Variants in USH2A observed in about 807,000 individuals in gnomAD.
USH2A encodes the protein Usher syndrome 2A (autosomal recessive, mild).
In USH2A, 443 loss-of-function variants were observed where a neutral mutation model predicts 538.9. The observed-to-expected ratio is 0.82, with a 90% CI of 0.76 to 0.89. The LOEUF (loss-of-function observed/expected upper bound fraction) is 0.89. USH2A is among the 40% of genes least tolerant of loss of function. The pLI is 0.00. For missense variants in USH2A, 6,633 were observed against 6,324.8 expected (o/e 1.05, Z -1.65); for synonymous variants, 2,413 against 2,273.5 (o/e 1.06, Z -1.75).
chr1:216,268,437 G>T (rs563319590), intron 11 of USH2A, among the ~76,000 whole-genome samples: 7 of 152,148 alleles, frequency 4.6e-5, no homozygotes, highest in African/African-American at 1.7e-4. Context: ...CATCATCTCT[G>T]GAACATAGTA....
Position 216,292,259 on chromosome 1 carries a change from A to G in USH2A, c.1756T>C (p.Tyr586His). The change falls in exon 10 of 72, where the codon TAC becomes CAC. Residue 586 changes from tyrosine to histidine, a missense_variant. Tyr to His is a moderately conservative substitution (Grantham distance 83). Coordinates refer to ENST00000307340, the MANE Select transcript of USH2A (RefSeq NM_206933.4). ...GGAAATGGGTCTACAGAGATGTTGT[A>G]ATGGCAGCTTTTGGAATGGCTGTTG... ...QCNSHSKSCH[Y>H]NISVDPFPFE... 1 of 1,614,098 alleles carries G rather than the reference A, an allele frequency of 6.2e-7. No homozygotes were observed. The highest frequency in any genetic ancestry group is 8.5e-7 in the Non-Finnish European group (1 of 1,179,956).
intron 30 of USH2A, among the ~76,000 whole-genome samples, chr1:216,067,837 G>T (rs1470308765): frequency 6.6e-6 from 1 of 152,074 alleles, no homozygotes; most frequent in Non-Finnish European, 1.5e-5. Context: ...TGTCTAGGTG[G>T]GATGTACAAT....
chr1:216,102,724 C>T (rs1438355200), intron 21 of USH2A, among the ~76,000 whole-genome samples: 1 of 152,098 alleles, frequency 6.6e-6, no homozygotes, highest in East Asian at 1.9e-4. Flanking sequence ...GGTGTGAACC[C>T]GAAAGGCGGA....
intron 49 of USH2A, among the ~76,000 whole-genome samples, chr1:215,806,720 T>C (rs778971163): frequency 5.9e-5 from 9 of 152,144 alleles, no homozygotes; most frequent in Non-Finnish European, 1.3e-4. Context: ...AAAAGACTTG[T>C]GTACCACTTT....
chr1:215,790,125 A>G lies in USH2A; in HGVS notation c.10116T>C (p.Asn3372=). Residue 3372 remains asparagine (N), a synonymous_variant, in exon 51 of 72, where the codon AAT becomes AAC. Transcript: ENST00000307340. ...ATTTCAAAGGATTATATCCAACTCC[A>G]TTACAGCATTTCTGGCTCTTTGGAA... is the stretch of plus-strand genomic sequence containing the variant. ...ELIPKSQKCC[N]GVGYNPLKYV... The G allele has an allele frequency of 2.5e-6, 4 of 1,613,790 alleles. No individual in the cohort carries two copies. The highest frequency in any genetic ancestry group is 3.4e-6 in the Non-Finnish European group (4 of 1,179,980).
chr1:215,742,087 G>A (rs1021284229), intron 59 of USH2A, among the ~76,000 whole-genome samples: 6 of 152,106 alleles, frequency 3.9e-5, no homozygotes, highest in African/African-American at 7.2e-5. Context: ...TTATTTTCAC[G>A]TTTATCAGGT....
At chr1:215,705,269 TTTTTTC>T (rs1278512740) in intron 61 of USH2A, among the ~76,000 whole-genome samples, 1 of 152,258 alleles carries the variant, frequency 6.6e-6, no homozygotes, top group Non-Finnish European at 1.5e-5. Flanking sequence ...GCATAGTTTG[TTTTTTC>T]TTTTTAAGTT....
chr1:215,911,243 G>A (rs1034146953), intron 38 of USH2A, among the ~76,000 whole-genome samples: 5 of 151,718 alleles, frequency 3.3e-5, no homozygotes, highest in East Asian at 1.9e-4. Flanking sequence ...AAAAATATAC[G>A]CTTAAGTTAT....
chr1:216,316,864 G>A (rs1268228931), intron 9 of USH2A, among the ~76,000 whole-genome samples: 1 of 152,060 alleles, frequency 6.6e-6, no homozygotes, highest in Non-Finnish European at 1.5e-5. Context: ...CTCAAAAGAA[G>A]ACATTAATGT....
At chr1:216,117,568 T>G (rs905298968) in intron 21 of USH2A, among the ~76,000 whole-genome samples, 1 of 152,142 alleles carries the variant, frequency 6.6e-6, no homozygotes, top group Non-Finnish European at 1.5e-5. Flanking sequence ...ACTAAAATAT[T>G]AGGCATATTC....
At chr1:216,306,528 G>T (rs2037319749) in intron 9 of USH2A, among the ~76,000 whole-genome samples, 1 of 152,046 alleles carries the variant, frequency 6.6e-6, no homozygotes, top group African/African-American at 2.4e-5. Flanking sequence ...TTTCTTCTTG[G>T]TTTAGATCCA....
intron 33 of USH2A, 62 bp downstream of exon 33, chr1:216,000,341 G>A (rs771827385): frequency 1.2e-6 from 2 of 1,603,432 alleles, no homozygotes; most frequent in Non-Finnish European, 1.7e-6. Context: ...CTCCTCCCCT[G>A]ATTGAACTCA....
intron 55 of USH2A, among the ~76,000 whole-genome samples, chr1:215,773,100 T>C (rs1661340444): frequency 6.6e-6 from 1 of 152,160 alleles, no homozygotes; most frequent in Non-Finnish European, 1.5e-5. Flanking sequence ...CTTTTCTTTT[T>C]AGTAAAAAGC....
At chr1:215,800,414 A>C (rs1213543387) in intron 49 of USH2A, among the ~76,000 whole-genome samples, 1 of 152,196 alleles carries the variant, frequency 6.6e-6, no homozygotes, top group African/African-American at 2.4e-5. Context: ...TGTGAGTATG[A>C]TGACCAATCT....
chr1:216,325,401 A>T lies in USH2A; in HGVS notation c.1047T>A (p.Asp349Glu). Reference protein sequence around the residue: ...AHPLSFVNDNDVGTSWVSNVF... With the variant: ...AHPLSFVNDNEVGTSWVSNVF... ...CATTTGAAACCCATGAAGTACCAACATCATTATCATTGACAAAAGAGAGAG... is the reference window on the plus strand; with the variant it reads ...CATTTGAAACCCATGAAGTACCAACTTCATTATCATTGACAAAAGAGAGAG... Residue 349 changes from aspartate (D) to glutamate (E), a missense_variant, in exon 6 of 72, where the codon GAT becomes GAA. By Grantham distance (45) the Asp-to-Glu change is conservative. Transcript: ENST00000307340. 6.2e-7 allele frequency: 1 copy of T among 1,613,930 alleles called. No individual in the cohort carries two copies. Among genetic ancestry groups the T allele is most frequent in the African/African-American group, 1.3e-5 (1 of 75,034 alleles).
chr1:215,640,844 C>CAAAAAAAAAAAAAAAAAAAA, intron 67 of USH2A, 110 bp from the exon 68 acceptor site: 1 of 496,052 alleles, frequency 2.0e-6, no homozygotes, highest in South Asian at 2.7e-5. Flanking sequence ...CCAATCCAAA[C>CAAAAAAAAAAAAAAAAAAAA]AAAAAAAAAA....
intron 21 of USH2A, among the ~76,000 whole-genome samples, chr1:216,144,900 T>TA: frequency 6.6e-6 from 1 of 152,276 alleles, no homozygotes; most frequent in South Asian, 2.1e-4. Context: ...CTTTTTACGT[T>TA]AAAAATCTCT....
chr1:215,989,691 A>G (rs920274666), intron 35 of USH2A, among the ~76,000 whole-genome samples: 1 of 152,006 alleles, frequency 6.6e-6, no homozygotes, highest in African/African-American at 2.4e-5. Context: ...GTTTAAGGTG[A>G]AGACTGCTGC....
rs142302070 is a variant in USH2A, at chr1:216,217,501, G to A, written c.3043C>T (p.His1015Tyr). The A allele has an allele frequency of 5.5e-5, 89 of 1,613,152 alleles. No homozygotes were observed. The highest frequency in any genetic ancestry group is 8.5e-6 in the Non-Finnish European group (10 of 1,179,476). The change falls in exon 15 of 72, where the codon CAC becomes TAC. Residue 1015 changes from histidine to tyrosine, a missense_variant. Coordinates refer to ENST00000307340, the MANE Select transcript of USH2A (RefSeq NM_206933.4). The stretch of plus-strand genomic sequence containing the variant: ...CAGAAACACTGGCCTGTGACCAAGT[G>A]ACAGGTTTCATTCAAGGCTCCTGAG... ...HLSGALNETC[H>Y]LVTGQCFCKQ...
Sources: allele counts gnomAD v4.1 joint callset (sites outside exome capture counted in the v4.1 genomes callset), GRCh38; gene constraint gnomAD v4.1.1; transcripts MANE v1.5; gene names NCBI Gene and HGNC (gene_info 2026-07-23, HGNC 2026-07-21).